REXO1: variants seen among roughly 807,000 people sequenced by gnomAD.
The protein encoded by REXO1 is REX1, RNA exonuclease 1 homolog.
REXO1 carries 42 observed loss-of-function variants against 102.6 expected under a neutral mutation model. The observed-to-expected ratio is 0.41, with a 90% confidence interval of 0.32 to 0.53. The LOEUF is 0.53. Ranked by LOEUF, REXO1 falls within the 20% of genes least tolerant of loss-of-function variation. The probability of loss-of-function intolerance (pLI) is 0.27; values close to 1 mark genes in which losing one functional copy is unlikely to be tolerated. For missense variants in REXO1, 1,819 were observed against 1,732.5 expected (o/e 1.05, Z -0.89); for synonymous variants, 908 against 779.1 (o/e 1.17, Z -2.76).
Position 1,819,957 on chromosome 19 carries a change from G to A in REXO1, c.2627C>T (p.Pro876Leu), listed in dbSNP as rs774833377. 1.3e-6 allele frequency: 2 copies of A among 1,588,054 alleles called. No individual in the cohort carries two copies. The highest frequency in any genetic ancestry group is 1.1e-5 in the South Asian group (1 of 88,292). ...ACTGCTGAGGCCGGGCACAGCGCTG[G>A]GGGCCAGGCCCCTGAGCTTCTTGAG... ...NTLKKLRGLA[P>L]SAVPGLSKTS... is the part of the protein sequence containing the mutation. Residue 876 changes from proline to leucine, a missense_variant, in exon 7 of 16, where the codon CCC becomes CTC. Pro to Leu is a moderately conservative substitution (Grantham distance 98). Coordinates refer to ENST00000170168, the MANE Select transcript of REXO1 (RefSeq NM_020695.4).
chr19:1,817,017 C>T (rs1273620891), intron 12 of REXO1, among the ~76,000 whole-genome samples: 1 of 152,146 alleles, frequency 6.6e-6, no homozygotes, highest in African/African-American at 2.4e-5. Flanking sequence ...GAGGCAGAGC[C>T]GGGGCCCAGT....
At chr19:1,820,443 T>G in intron 5 of REXO1, 48 bp from the exon 6 acceptor site, 1 of 1,604,010 alleles carries the variant, frequency 6.2e-7, no homozygotes, top group Non-Finnish European at 8.5e-7. Context: ...CCACAAGGCC[T>G]CCAGCGGGGA....
At position 1,829,332 on chromosome 19, in the gene REXO1, G is replaced by A. The variant is rs116870554; in HGVS notation, c.158-701C>T. Among the ~76,000 whole-genome samples, 347 of 151,970 alleles carry A rather than the reference G, an allele frequency of 2.3e-3. 1 individual carries two copies. Among genetic ancestry groups the A allele is most frequent in the Non-Finnish European group, 4.0e-3 (270 of 67,966 alleles). ...TGGCTCACCGCAGCCTCTATCTCCC[G>A]AGTTCAAGCAAACCTCCTGCCTCAG... is the stretch of plus-strand genomic sequence containing the variant. On this transcript the variant is annotated intron_variant, in intron 1 of 15. Transcript: ENST00000170168.
intron 1 of REXO1, among the ~76,000 whole-genome samples, chr19:1,837,352 C>T (rs1024688478): frequency 2.6e-5 from 4 of 152,188 alleles, no homozygotes; most frequent in Admixed American, 1.3e-4. Context: ...GACATGCGGG[C>T]GCCCGGGGCC....
At chr19:1,835,561 TACATACACACAC>T (rs532457991) in intron 1 of REXO1, among the ~76,000 whole-genome samples, 242 of 152,014 alleles carry the variant, frequency 1.6e-3, no homozygotes, top group African/African-American at 5.3e-3. Flanking sequence ...CATACATACA[TACATACACACAC>T]ACATACATAA....
At chr19:1,847,970 A>G (rs1444368771) in intron 1 of REXO1, among the ~76,000 whole-genome samples, 2 of 152,196 alleles carry the variant, frequency 1.3e-5, no homozygotes, top group Non-Finnish European at 2.9e-5. Flanking sequence ...CCCTGGCAGG[A>G]CGCGTCCTCC....
intron 1 of REXO1, among the ~76,000 whole-genome samples, chr19:1,837,918 C>T (rs2070087807): frequency 2.0e-5 from 3 of 152,374 alleles, no homozygotes; most frequent in African/African-American, 7.2e-5. Flanking sequence ...GCCGTCCCCA[C>T]ATGCCATGAC....
At chr19:1,828,681 C>T (rs559250947) in intron 1 of REXO1, 50 bp from the exon 2 acceptor site, 8 of 1,534,900 alleles carry the variant, frequency 5.2e-6, no homozygotes, top group South Asian at 4.7e-5. Flanking sequence ...GAGAGGAGCC[C>T]GCAGCATGGG....
At chr19:1,837,313 C>T (rs1348585649) in intron 1 of REXO1, among the ~76,000 whole-genome samples, 1 of 152,158 alleles carries the variant, frequency 6.6e-6, no homozygotes, top group East Asian at 1.9e-4. Context: ...CCAACCCTCA[C>T]AGTGGGACGT....
chr19:1,828,153 G>A lies in REXO1; in HGVS notation c.636C>T (p.His212=), dbSNP rs201959341. 4.3e-6 allele frequency: 7 copies of A among 1,610,144 alleles called. No homozygotes were observed. Among genetic ancestry groups the A allele is most frequent in the Non-Finnish European group, 5.9e-6 (7 of 1,179,234 alleles). ...ACTTGCCACTGGGAACGGGGCGGCTGTGCCGCCGGGGCTGGCTCACAGCCT... is the reference window on the plus strand; with the variant it reads ...ACTTGCCACTGGGAACGGGGCGGCTATGCCGCCGGGGCTGGCTCACAGCCT... ...VPKAVSQPRR[H]SRPVPSGKYV... is the part of the protein sequence containing the mutation. The change falls in exon 2 of 16, where the codon CAC becomes CAT. Residue 212 remains histidine, a synonymous_variant. Transcript: ENST00000170168.
At chr19:1,832,015 G>C (rs897428887) in intron 1 of REXO1, among the ~76,000 whole-genome samples, 1 of 151,888 alleles carries the variant, frequency 6.6e-6, no homozygotes, top group Admixed American at 6.6e-5. Context: ...TCAGCCAATA[G>C]ACTGCAGGTG....
chr19:1,835,047 T>G, intron 1 of REXO1: 1 of 381,162 alleles, frequency 2.6e-6, no homozygotes, highest in Non-Finnish European at 5.6e-6. Context: ...CATGGCTGCC[T>G]GCAGCTCAGA....
rs1029002759 is a variant in REXO1 at position 1,829,716 on chromosome 19, G to A, written c.158-1085C>T. On this transcript the variant is annotated intron_variant, in intron 1 of 15. Coordinates refer to ENST00000170168, the MANE Select transcript of REXO1 (RefSeq NM_020695.4). ...CCAGCTACTCAGGAGGCTGAGGCAG[G>A]AGAATCGCTTGAACCTGGGAGGCAG... 9.2e-5 allele frequency among the ~76,000 whole-genome samples: 14 copies of A among 152,190 alleles called. No individual in the cohort carries two copies. In the East Asian group the frequency reaches 2.3e-3, roughly 25 times the overall value.
rs1445236863 is a variant in REXO1, at chr19:1,847,188, A to G, written c.157+1014T>C. 2.0e-5 allele frequency among the ~76,000 whole-genome samples: 3 copies of G among 152,240 alleles called. No individual in the cohort carries two copies. In the East Asian group the frequency reaches 5.8e-4, roughly 29 times the overall value. On this transcript the variant is annotated intron_variant, in intron 1 of 15. Coordinates refer to ENST00000170168, the MANE Select transcript of REXO1 (RefSeq NM_020695.4). ...TGTCCACCTGCAAACAACCGCCCAC[A>G]GGTGCAGGTGTCCCAAGCACACTTA...
intron 7 of REXO1, among the ~76,000 whole-genome samples, chr19:1,819,385 G>A (rs546507511): frequency 6.6e-6 from 1 of 152,240 alleles, no homozygotes; most frequent in South Asian, 2.1e-4. Flanking sequence ...CAAAGTCTTC[G>A]TCCCCTCCCC....
chr19:1,830,238 G>A (rs1428980255), intron 1 of REXO1, among the ~76,000 whole-genome samples: 1 of 152,270 alleles, frequency 6.6e-6, no homozygotes, highest in Non-Finnish European at 1.5e-5. Flanking sequence ...GCCAGGCACA[G>A]TGGCTCACGC....
chr19:1,826,037 G>C lies in REXO1; in HGVS notation c.1912-94C>G. ...AACTGCCCCCGGCAAGTGGGGAATG[G>C]AACAGTCCAGCCCCCAGGCACAGCA... On this transcript the variant is annotated intron_variant, in intron 2 of 15. Transcript: ENST00000170168. The surrounding 1 kb of genome is among the most constrained non-coding windows in gnomAD (Gnocchi z 4.3). 2 of 857,074 alleles carry C rather than the reference G, an allele frequency of 2.3e-6. No individual in the cohort carries two copies. The highest frequency in any genetic ancestry group is 1.9e-5 in the Admixed American group (1 of 51,516). 53.1% of individuals were successfully genotyped at this position (857,074 alleles called of 1,614,324 possible).
chr19:1,837,019 G>A (rs997035075), intron 1 of REXO1, among the ~76,000 whole-genome samples: 5 of 152,222 alleles, frequency 3.3e-5, no homozygotes, highest in Non-Finnish European at 7.3e-5. Flanking sequence ...CTAGCCCCTG[G>A]GGGAGCCATC....
intron 1 of REXO1, among the ~76,000 whole-genome samples, chr19:1,835,445 A>G (rs2070012391): frequency 6.6e-6 from 1 of 152,170 alleles, no homozygotes; most frequent in Middle Eastern, 3.2e-3. Flanking sequence ...CTAGTCGGGA[A>G]GCTGAGGCAG....
Sources: allele counts gnomAD v4.1 joint callset (sites outside exome capture counted in the v4.1 genomes callset), GRCh38; gene constraint gnomAD v4.1.1; non-coding constraint Gnocchi (gnomAD v3.1); transcripts MANE v1.5; gene names NCBI Gene and HGNC (gene_info 2026-07-23, HGNC 2026-07-21).